ARL8B: variants seen among roughly 807,000 people sequenced by gnomAD.
ARL8B encodes the protein ARF like GTPase 8B.
In ARL8B, 9 loss-of-function variants were observed where a neutral mutation model predicts 30.6. The observed-to-expected ratio is 0.29, with a 90% confidence interval of 0.18 to 0.51. The LOEUF (loss-of-function observed/expected upper bound fraction) is 0.51. Ranked by LOEUF, ARL8B falls within the 20% of genes least tolerant of loss-of-function variation. The pLI, the probability that ARL8B is intolerant of heterozygous loss-of-function variation, is 0.97. For synonymous variants in ARL8B, 74 were observed against 76.0 expected, an observed-to-expected ratio of 0.97 and a Z score of 0.14; for missense variants, 130 against 227.2, an observed-to-expected ratio of 0.57 and a Z score of 2.75.
chr3:5,122,434 CCTCCCGTCCGTT>C lies in ARL8B; in HGVS notation c.-28_-17del. ...GTCGTCGACGCCGCCGCTCGTCCGT[CCTCCCGTCCGTT>C]CTCGCTCCCGGCCGCCATCATGCTG... On this transcript the variant is annotated 5_prime_UTR_variant, in exon 1 of 7. Transcript: ENST00000256496. The C allele has an allele frequency of 6.2e-7, 1 of 1,611,052 alleles. No individual in the cohort carries two copies. The highest frequency in any genetic ancestry group is 8.5e-7 in the Non-Finnish European group (1 of 1,179,238).
At chr3:5,173,713 TCAAACAAACAAA>T (rs10552472) in intron 4 of ARL8B, among the ~76,000 whole-genome samples, 117 of 151,254 alleles carry the variant, frequency 7.7e-4, no homozygotes, top group African/African-American at 2.5e-3. Flanking sequence ...AGACTCTGTC[TCAAACAAACAAA>T]CAAACAAACA....
chr3:5,146,279 G>C (rs2054418093), intron 1 of ARL8B, among the ~76,000 whole-genome samples: 1 of 152,164 alleles, frequency 6.6e-6, no homozygotes, highest in South Asian at 2.1e-4. Flanking sequence ...ATCTTACTAA[G>C]GAGGGTGTAG....
intron 2 of ARL8B, among the ~76,000 whole-genome samples, chr3:5,171,847 A>T (rs1467501023): frequency 1.3e-5 from 2 of 152,230 alleles, no homozygotes; most frequent in African/African-American, 2.4e-5. Flanking sequence ...TCATAAAGAC[A>T]TATGTTTTCA....
chr3:5,161,521 G>A (rs542563478), intron 1 of ARL8B, among the ~76,000 whole-genome samples: 4 of 152,160 alleles, frequency 2.6e-5, no homozygotes, highest in Admixed American at 6.5e-5. Flanking sequence ...CTAGCTGTTC[G>A]GGAGCAGGAA....
At chr3:5,155,590 A>AT (rs1352122069) in intron 1 of ARL8B, among the ~76,000 whole-genome samples, 36 of 141,484 alleles carry the variant, frequency 2.5e-4, no homozygotes, top group Middle Eastern at 3.7e-3. Context: ...ACTTTTCTTC[A>AT]TTTTTTTTTT....
intron 1 of ARL8B, among the ~76,000 whole-genome samples, chr3:5,123,223 T>C (rs2054199398): frequency 6.6e-6 from 1 of 152,182 alleles, no homozygotes; most frequent in Admixed American, 6.5e-5. Context: ...AGCTAAGAGT[T>C]AATTGTCTTA....
intron 1 of ARL8B, among the ~76,000 whole-genome samples, chr3:5,143,895 T>C (rs1270441230): frequency 6.6e-6 from 1 of 152,196 alleles, no homozygotes; most frequent in Non-Finnish European, 1.5e-5. Flanking sequence ...TAATAACTCG[T>C]AGGGGGACAA....
chr3:5,151,696 A>G (rs1415825884), intron 1 of ARL8B, among the ~76,000 whole-genome samples: 1 of 151,458 alleles, frequency 6.6e-6, no homozygotes, highest in Non-Finnish European at 1.5e-5. Flanking sequence ...GAATCCTTTT[A>G]CATTTGTGAA....
At chr3:5,139,052 TA>T (rs2054350752) in intron 1 of ARL8B, among the ~76,000 whole-genome samples, 1 of 152,330 alleles carries the variant, frequency 6.6e-6, no homozygotes, top group South Asian at 2.1e-4. Flanking sequence ...CACTGTAGTT[TA>T]AAATGATTTT....
intron 1 of ARL8B, among the ~76,000 whole-genome samples, chr3:5,126,965 AT>A (rs2054235247): frequency 6.6e-6 from 1 of 152,186 alleles, no homozygotes; most frequent in African/African-American, 2.4e-5. Flanking sequence ...GACATTATGT[AT>A]TTTTTAAATG....
chr3:5,173,782 T>C (rs1190465021), intron 4 of ARL8B, among the ~76,000 whole-genome samples: 2 of 152,164 alleles, frequency 1.3e-5, no homozygotes, highest in Non-Finnish European at 2.9e-5. Context: ...CTCAGACTAT[T>C]TTACATAGCA....
chr3:5,168,672 G>T (rs7647058), intron 1 of ARL8B, among the ~76,000 whole-genome samples: 2,094 of 152,302 alleles, frequency 0.014, 50 homozygotes, highest in African/African-American at 0.048. Flanking sequence ...GCCCTTGAGT[G>T]TTATCTAATT....
At chr3:5,168,813 A>G (rs1230570008) in intron 1 of ARL8B, among the ~76,000 whole-genome samples, 1 of 152,224 alleles carries the variant, frequency 6.6e-6, no homozygotes, top group Non-Finnish European at 1.5e-5. Context: ...CATGCAAGCT[A>G]GTTGTAAAGT....
intron 2 of ARL8B, 101 bp downstream of exon 2, chr3:5,170,684 C>A: frequency 1.3e-6 from 1 of 787,304 alleles, no homozygotes. Flanking sequence ...TGCAGTTTTT[C>A]AGTAATGAAT....
chr3:5,157,248 T>A (rs1446761076), intron 1 of ARL8B, among the ~76,000 whole-genome samples: 1 of 152,232 alleles, frequency 6.6e-6, no homozygotes, highest in Non-Finnish European at 1.5e-5. Context: ...AAAGCCTTTG[T>A]GCTGTTGGGA....
chr3:5,138,944 C>T (rs747327589), intron 1 of ARL8B, among the ~76,000 whole-genome samples: 8 of 152,110 alleles, frequency 5.3e-5, no homozygotes, highest in African/African-American at 2.4e-5. Context: ...TGTATTCAGC[C>T]CATGGCATTC....
intron 1 of ARL8B, among the ~76,000 whole-genome samples, chr3:5,167,462 G>A (rs1007182044): frequency 1.4e-4 from 22 of 152,154 alleles, no homozygotes; most frequent in African/African-American, 5.1e-4. Context: ...ATAGGGTTAG[G>A]TTCTATCTGT....
chr3:5,171,858 A>G (rs1245611836), intron 2 of ARL8B, among the ~76,000 whole-genome samples: 1 of 152,232 alleles, frequency 6.6e-6, no homozygotes, highest in Non-Finnish European at 1.5e-5. Context: ...TATGTTTTCA[A>G]TAATAGAAGT....
intron 6 of ARL8B, among the ~76,000 whole-genome samples, chr3:5,176,194 C>T (rs2054728248): frequency 6.6e-6 from 1 of 152,104 alleles, no homozygotes; most frequent in South Asian, 2.1e-4. Context: ...CTATCCTTCC[C>T]TAACTCACCT....
Sources: gnomAD v4.1 joint callset for allele counts (sites outside exome capture counted in the v4.1 genomes callset) on GRCh38, gnomAD v4.1.1 for gene constraint, MANE v1.5 for transcripts, NCBI Gene and HGNC (gene_info 2026-07-23, HGNC 2026-07-21) for gene names.